The following SLC6A17 variants were observed in gnomAD, a reference collection of about 807,000 sequenced individuals.
SLC6A17 encodes the protein sodium-dependent neutral amino acid transporter SLC6A17.
In SLC6A17, 21 loss-of-function variants were observed where a neutral mutation model predicts 64.5. That is an observed-to-expected ratio of 0.33 (90% CI 0.23 to 0.47). SLC6A17 has a LOEUF of 0.47. Among genes scored for constraint, SLC6A17 ranks in the 20% least tolerant of loss-of-function variants. The pLI is 1.00. For missense variants in SLC6A17, 682 were observed against 963.2 expected, an observed-to-expected ratio of 0.71 and a Z score of 3.86; for synonymous variants, 372 against 399.5, an observed-to-expected ratio of 0.93 and a Z score of 0.82.
chr1:110,189,420 G>T (rs1656768216), intron 6 of SLC6A17, among the ~76,000 whole-genome samples: 1 of 152,046 alleles, frequency 6.6e-6, no homozygotes, highest in South Asian at 2.1e-4. Context: ...GGTCTCCTTG[G>T]TTTGTCCTGC....
chr1:110,194,510 A>G (rs1656908723), intron 8 of SLC6A17, 69 bp from the exon 9 acceptor site: 1 of 1,518,872 alleles, frequency 6.6e-7, no homozygotes, highest in East Asian at 2.3e-5. Context: ...TGAAGGGCAG[A>G]GGGAAGGAAG....
intron 2 of SLC6A17, among the ~76,000 whole-genome samples, chr1:110,170,493 A>G (rs1656192150): frequency 6.6e-6 from 1 of 152,150 alleles, no homozygotes; most frequent in South Asian, 2.1e-4. Context: ...CAAAATAAAA[A>G]CAAAAAACCG....
chr1:110,166,668 G>A, intron 1 of SLC6A17, 175 bp from the exon 2 acceptor site: 1 of 387,304 alleles, frequency 2.6e-6, no homozygotes. Context: ...TGAGTCTGTA[G>A]GCCTTGAGCT....
In SLC6A17 at chr1:110,165,099, C is replaced by G. The variant is rs983393169; in HGVS notation, c.-87-1744C>G. Among the ~76,000 whole-genome samples the G allele has an allele frequency of 6.6e-5, 10 of 152,288 alleles. No homozygotes were observed. In the East Asian group the frequency reaches 1.9e-3, roughly 29 times the overall value. The stretch of plus-strand genomic sequence containing the variant: ...GTAAGCTGTAGGGGACGGGGAGATG[C>G]CTTGACAGGCAGCCGTTTCTCTGTT... On this transcript the variant is annotated intron_variant, in intron 1 of 11. Coordinates refer to ENST00000331565, the MANE Select transcript of SLC6A17 (RefSeq NM_001010898.4).
intron 1 of SLC6A17, among the ~76,000 whole-genome samples, chr1:110,163,720 A>C (rs1655976208): frequency 6.6e-6 from 1 of 152,058 alleles, no homozygotes; most frequent in African/African-American, 2.4e-5. Flanking sequence ...CTCCCTCCCC[A>C]GCACACCTCT....
At position 110,174,781 on chromosome 1, in the gene SLC6A17, G is replaced by A; in HGVS notation, c.574G>A (p.Val192Met). ...PVVRNGSVAV[V>M]EAECEKSSAT... is the part of the protein sequence containing the mutation. ...TGTGACCTTTGCTGCTATTTCAGTG[G>A]TGGAGGCAGAGTGTGAAAAGAGCTC... The change falls in exon 5 of 12, where the codon GTG becomes ATG. Residue 192 changes from valine to methionine, a missense_variant and splice_region_variant. Val to Met is a conservative substitution (Grantham distance 21). This residue lies in a region of SLC6A17 where 415 missense variants were observed against 603.8 expected (regional missense o/e 0.69). Transcript: ENST00000331565. The A allele has an allele frequency of 6.2e-7, 1 of 1,613,878 alleles. No homozygotes were observed. The highest frequency in any genetic ancestry group is 1.3e-5 in the African/African-American group (1 of 75,050).
intron 6 of SLC6A17, chr1:110,178,683 G>C (rs1186681324): frequency 6.5e-6 from 1 of 153,178 alleles, no homozygotes; most frequent in Non-Finnish European, 1.5e-5. Flanking sequence ...ATCTAGTGAG[G>C]ACTCTCTGCT....
Position 110,201,565 on chromosome 1 carries a change from C to T in SLC6A17, c.*3121C>T, listed in dbSNP as rs995243467. On this transcript the variant is annotated 3_prime_UTR_variant, in exon 12 of 12. Transcript: ENST00000331565. ...ACTGAGGCAACATGAAGCCCGAGGC[C>T]CAGATGGGGGCTGAACAGGTAGGGC... 2.6e-5 allele frequency: 4 copies of T among 152,220 alleles called. No individual in the cohort carries two copies. Among genetic ancestry groups the T allele is most frequent in the African/African-American group, 7.2e-5 (3 of 41,430 alleles). The allele number at this position is 152,220 out of a possible 1,614,324, so 9.4% of individuals were successfully genotyped here.
At position 110,194,788 on chromosome 1, in the gene SLC6A17, C is replaced by G; in HGVS notation, c.1492+17C>G. On this transcript the variant is annotated intron_variant, in intron 9 of 11. Transcript: ENST00000331565. ...TGTTCACAGGTAACTCCTCCCTGCC[C>G]CCATGCCCAGGCTCTGCAGGCTGCC... 1 of 1,610,120 alleles carries G rather than the reference C, an allele frequency of 6.2e-7. No individual in the cohort carries two copies. The highest frequency in any genetic ancestry group is 8.5e-7 in the Non-Finnish European group (1 of 1,179,980).
chr1:110,167,248 C>A, intron 2 of SLC6A17, 33 bp downstream of exon 2: 1 of 1,588,810 alleles, frequency 6.3e-7, no homozygotes, highest in South Asian at 1.1e-5. Flanking sequence ...TCAGGGGTCC[C>A]CTGCAAATAG....
At chr1:110,151,671 C>T (rs1655611970) in intron 1 of SLC6A17, among the ~76,000 whole-genome samples, 1 of 152,178 alleles carries the variant, frequency 6.6e-6, no homozygotes, top group African/African-American at 2.4e-5. Context: ...GTGATGTTTC[C>T]TTTTAAAGCC....
intron 9 of SLC6A17, 139 bp from the exon 10 acceptor site, chr1:110,195,447 G>A (rs887657757): frequency 5.8e-6 from 6 of 1,038,694 alleles, no homozygotes; most frequent in Non-Finnish European, 8.4e-6. Context: ...CCTCGTGCAG[G>A]ACTGAGCCTG....
rs976674880 is a variant in SLC6A17 at position 110,150,868 on chromosome 1, T to A, written c.-103T>A. 7 of 151,864 alleles carry A rather than the reference T, an allele frequency of 4.6e-5. No homozygotes were observed. The highest frequency in any genetic ancestry group is 1.7e-4 in the African/African-American group (7 of 41,350). The allele number at this position is 151,864 out of a possible 1,614,324, so 9.4% of individuals were successfully genotyped here. A position where few individuals can be genotyped will look rare whatever the true frequency, so the allele number is the denominator to read the frequency against. On this transcript the variant is annotated 5_prime_UTR_variant, in exon 1 of 12. Coordinates refer to ENST00000331565, the MANE Select transcript of SLC6A17 (RefSeq NM_001010898.4). ...AGTGCACGGGCCGAGTCTGCGCGAC[T>A]ACCCACGCGTGACAGGTGAGTCGCT...
intron 9 of SLC6A17, chr1:110,194,980 G>C: frequency 1.5e-6 from 1 of 648,568 alleles, no homozygotes; most frequent in South Asian, 1.9e-5. Context: ...GAGCAAACAT[G>C]AGCCGGGAGG....
At chr1:110,179,248 A>G (rs1041787119) in intron 6 of SLC6A17, among the ~76,000 whole-genome samples, 1 of 152,220 alleles carries the variant, frequency 6.6e-6, no homozygotes, top group African/African-American at 2.4e-5. Flanking sequence ...AACACTACGC[A>G]GGTCTTCATG....
chr1:110,165,593 C>T lies in SLC6A17; in HGVS notation c.-87-1250C>T, dbSNP rs499435. 4.5e-3 allele frequency among the ~76,000 whole-genome samples: 685 copies of T among 152,316 alleles called. 1 individual carries two copies. Among genetic ancestry groups the T allele is most frequent in the African/African-American group, 0.015 (605 of 41,568 alleles). On this transcript the variant is annotated intron_variant, in intron 1 of 11. Transcript: ENST00000331565. Reference sequence around the variant, plus strand: ...CCCCATAAACCTCCCAGTTTCATTACATGTGTAACAGGGCCTGGCTGGCAG... The same window carrying T: ...CCCCATAAACCTCCCAGTTTCATTATATGTGTAACAGGGCCTGGCTGGCAG...
intron 6 of SLC6A17, among the ~76,000 whole-genome samples, chr1:110,180,283 A>AC (rs1430716616): frequency 2.0e-5 from 3 of 152,254 alleles, no homozygotes; most frequent in East Asian, 3.9e-4. Flanking sequence ...AACGTCCCCT[A>AC]CCTTACAATT....
Position 110,192,633 on chromosome 1 carries a change from G to A in SLC6A17, c.1234G>A (p.Val412Met), listed in dbSNP as rs776135896. 1.9e-5 allele frequency: 31 copies of A among 1,614,154 alleles called. No homozygotes were observed. The highest frequency in any genetic ancestry group is 2.3e-5 in the Non-Finnish European group (27 of 1,180,006). ...GGAGATGTACAATGTCATCATGACCGTGAAGGAGGACCAGTTCTCAGCCCT... is the reference window on the plus strand; with the variant it reads ...GGAGATGTACAATGTCATCATGACCATGAAGGAGGACCAGTTCTCAGCCCT... ...YMEMYNVIMT[V>M]KEDQFSALGL... The change falls in exon 8 of 12, where the codon GTG becomes ATG. Residue 412 changes from valine to methionine, a missense_variant. By Grantham distance (21) the Val-to-Met change is conservative (BLOSUM62 1). Around this residue, in one of 3 missense-constraint regions of SLC6A17, gnomAD observed 415 missense variants for 603.8 expected, o/e 0.69. Coordinates refer to ENST00000331565, the MANE Select transcript of SLC6A17 (RefSeq NM_001010898.4). This position sits in a 1 kb window ranked among gnomAD's most constrained non-coding sequence, Gnocchi z 4.3.
At chr1:110,165,630 G>A (rs757405802) in intron 1 of SLC6A17, among the ~76,000 whole-genome samples, 3 of 152,184 alleles carry the variant, frequency 2.0e-5, no homozygotes, top group Non-Finnish European at 2.9e-5. Context: ...TCTCCTTGAT[G>A]GTCAGGCCTT....
Sources: allele counts gnomAD v4.1 joint callset (sites outside exome capture counted in the v4.1 genomes callset), GRCh38; gene constraint gnomAD v4.1.1; regional missense constraint gnomAD v4.1.1; non-coding constraint Gnocchi (gnomAD v3.1); transcripts MANE v1.5; gene names NCBI Gene and HGNC (gene_info 2026-07-23, HGNC 2026-07-21).